Variants in OPCML observed in about 807,000 individuals in gnomAD.
OPCML encodes opioid binding protein/cell adhesion molecule like.
In OPCML, 13 loss-of-function variants were observed where a neutral mutation model predicts 37.8. That is an observed-to-expected ratio of 0.34 (90% CI 0.22 to 0.55). The LOEUF is 0.55. Among genes scored for constraint, OPCML ranks in the 20% least tolerant of loss-of-function variants. The pLI is 0.91. For missense variants in OPCML, 341 were observed against 435.6 expected (o/e 0.78, Z 1.93); for synonymous variants, 176 against 168.8 (o/e 1.04, Z -0.33).
At chr11:133,292,040 G>A (rs576924827) in intron 1 of OPCML, among the ~76,000 whole-genome samples, 4 of 152,272 alleles carry the variant, frequency 2.6e-5, no homozygotes, top group South Asian at 2.1e-4. Flanking sequence ...TATGGCCGTC[G>A]GTGAAGCAAA....
At chr11:132,881,694 G>C (rs1342076459) in intron 2 of OPCML, among the ~76,000 whole-genome samples, 1 of 152,180 alleles carries the variant, frequency 6.6e-6, no homozygotes, top group Non-Finnish European at 1.5e-5. Context: ...CTCTCATAAA[G>C]GATACACCAG....
chr11:133,204,058 C>CAAAAAAAAAAAAAAA (rs58343203), intron 1 of OPCML, among the ~76,000 whole-genome samples: 8 of 66,494 alleles, frequency 1.2e-4, no homozygotes, highest in South Asian at 7.2e-4. Context: ...GACTCTGTCT[C>CAAAAAAAAAAAAAAA]AAAAAAAAAA....
chr11:132,434,223 T>C (rs1186273031), intron 7 of OPCML, among the ~76,000 whole-genome samples: 1 of 152,208 alleles, frequency 6.6e-6, no homozygotes, highest in Admixed American at 6.5e-5. Flanking sequence ...GGCAGCACTA[T>C]ACATCTGTGA....
chr11:133,492,012 T>C (rs867124992), intron 1 of OPCML, among the ~76,000 whole-genome samples: 19 of 152,252 alleles, frequency 1.2e-4, no homozygotes, highest in South Asian at 1.0e-3. Context: ...GAAAGCACGC[T>C]CAAATCAGTG....
At chr11:133,029,328 A>G (rs764575960) in intron 1 of OPCML, among the ~76,000 whole-genome samples, 1 of 152,206 alleles carries the variant, frequency 6.6e-6, no homozygotes, top group Admixed American at 6.5e-5. Context: ...TCACGGAACT[A>G]AAAATAGAAC....
chr11:132,890,431 A>G (rs1018805343), intron 2 of OPCML, among the ~76,000 whole-genome samples: 2 of 152,222 alleles, frequency 1.3e-5, no homozygotes, highest in Non-Finnish European at 2.9e-5. Flanking sequence ...GTGAAGAAGC[A>G]GAAGAGAAAA....
At chr11:133,323,578 T>C (rs1014162196) in intron 1 of OPCML, among the ~76,000 whole-genome samples, 8 of 152,160 alleles carry the variant, frequency 5.3e-5, no homozygotes, top group Non-Finnish European at 1.0e-4. Context: ...GTTCAGTCCG[T>C]GCCCAGAGTT....
At chr11:132,441,178 T>TTTGTTTTTTG (rs2096032748) in intron 4 of OPCML, among the ~76,000 whole-genome samples, 2 of 120,124 alleles carry the variant, frequency 1.7e-5, no homozygotes, top group African/African-American at 6.6e-5. Flanking sequence ...TTTTTTTTTT[T>TTTGTTTTTTG]TTTTTTTGAG....
At chr11:132,785,713 C>G (rs757360948) in intron 2 of OPCML, among the ~76,000 whole-genome samples, 2 of 152,106 alleles carry the variant, frequency 1.3e-5, no homozygotes, top group Non-Finnish European at 2.9e-5. Context: ...GAGCCACGTG[C>G]TTAGGACCCA....
intron 1 of OPCML, among the ~76,000 whole-genome samples, chr11:133,496,953 G>A (rs1015685881): frequency 6.6e-6 from 1 of 152,142 alleles, no homozygotes; most frequent in Non-Finnish European, 1.5e-5. Flanking sequence ...GAGGAGTGGT[G>A]AGCGTGGGCA....
chr11:132,436,802 CAT>C (rs769018875), intron 5 of OPCML, 23 bp from the exon 6 acceptor site: 9 of 1,604,056 alleles, frequency 5.6e-6, no homozygotes, highest in Middle Eastern at 1.7e-4. Flanking sequence ...CACACACACA[CAT>C]GCACAGGCAT....
chr11:132,428,228 A>G (rs907277539), intron 7 of OPCML, among the ~76,000 whole-genome samples: 19 of 152,322 alleles, frequency 1.2e-4, no homozygotes, highest in African/African-American at 4.1e-4. Context: ...TCAGAAAAAT[A>G]GTCATTTGGC....
intron 2 of OPCML, among the ~76,000 whole-genome samples, chr11:132,843,281 T>C (rs957092970): frequency 1.3e-5 from 2 of 152,012 alleles, no homozygotes; most frequent in Non-Finnish European, 2.9e-5. Context: ...ATTTTTTAAG[T>C]AGCAATGGGG....
intron 1 of OPCML, among the ~76,000 whole-genome samples, chr11:133,458,491 T>A (rs1286344606): frequency 7.6e-6 from 1 of 131,446 alleles, no homozygotes; most frequent in Non-Finnish European, 1.5e-5. Context: ...TACACATATA[T>A]ACACGTGTGT....
intron 2 of OPCML, among the ~76,000 whole-genome samples, chr11:132,719,218 G>A (rs1286632264): frequency 6.6e-6 from 1 of 152,214 alleles, no homozygotes; most frequent in Non-Finnish European, 1.5e-5. Context: ...GTGGCCTTCC[G>A]CGTTTTCGTT....
At chr11:133,245,613 C>G (rs1396702436) in intron 1 of OPCML, among the ~76,000 whole-genome samples, 1 of 152,162 alleles carries the variant, frequency 6.6e-6, no homozygotes, top group East Asian at 1.9e-4. Flanking sequence ...TCCCATAGCT[C>G]AAGGTGGTAG....
chr11:132,536,097 G>A (rs1280130761), intron 3 of OPCML, among the ~76,000 whole-genome samples: 1 of 152,114 alleles, frequency 6.6e-6, no homozygotes, highest in Non-Finnish European at 1.5e-5. Context: ...GTTCTGTCTG[G>A]TCCTCTCCCA....
intron 1 of OPCML, among the ~76,000 whole-genome samples, chr11:133,204,878 A>ATATATATATATATATGTGTG: frequency 7.7e-5 from 2 of 25,928 alleles, no homozygotes; most frequent in South Asian, 9.7e-4. Flanking sequence ...GTATATATAT[A>ATATATATATATATATGTGTG]TATATATATA....
intron 1 of OPCML, among the ~76,000 whole-genome samples, chr11:133,148,743 C>T (rs1949933423): frequency 6.6e-6 from 1 of 152,160 alleles, no homozygotes; most frequent in Admixed American, 6.5e-5. Flanking sequence ...GAGACGAGGT[C>T]CAGAGTTTCA....
Sources: gnomAD v4.1 joint callset for allele counts (sites outside exome capture counted in the v4.1 genomes callset) on GRCh38, gnomAD v4.1.1 for gene constraint, MANE v1.5 for transcripts, NCBI Gene and HGNC (gene_info 2026-07-23, HGNC 2026-07-21) for gene names.